Variants in LRFN2 observed in about 807,000 individuals in gnomAD.
LRFN2 encodes leucine rich repeat and fibronectin type III domain containing 2.
In LRFN2, 18 loss-of-function variants were observed where a neutral mutation model predicts 37.3. The ratio of observed to expected loss-of-function variants is 0.48; its 90% confidence interval spans 0.33 to 0.72. The LOEUF is 0.72. Among genes scored for constraint, LRFN2 ranks in the 30% least tolerant of loss-of-function variants. The probability of loss-of-function intolerance (pLI) is 0.02; values close to 1 mark genes in which losing one functional copy is unlikely to be tolerated. For missense variants in LRFN2, 1,006 were observed against 1,060.7 expected, an observed-to-expected ratio of 0.95 and a Z score of 0.72; for synonymous variants, 556 against 466.6, an observed-to-expected ratio of 1.19 and a Z score of -2.47.
chr6:40,585,528 G>A (rs1472149791), intron 1 of LRFN2, among the ~76,000 whole-genome samples: 1 of 152,146 alleles, frequency 6.6e-6, no homozygotes, highest in Non-Finnish European at 1.5e-5. Context: ...GGGCTCTGCT[G>A]TGTGTGGCTA....
At chr6:40,394,331 G>A (rs1324016587) in intron 2 of LRFN2, among the ~76,000 whole-genome samples, 1 of 152,044 alleles carries the variant, frequency 6.6e-6, no homozygotes, top group South Asian at 2.1e-4. Context: ...CAGGCCTGAA[G>A]GTACCACTGT....
chr6:40,448,617 C>A lies in LRFN2; in HGVS notation c.-18-15486G>T, dbSNP rs1201507182. Among the ~76,000 whole-genome samples the A allele has an allele frequency of 2.0e-5, 3 of 152,312 alleles. No homozygotes were observed. The East Asian group carries it at 5.8e-4, about 29-fold the overall frequency. ...TGGCTGATTATCTTAAATGAGAATT[C>A]TACACTGCCTTTACCAAAGGACCGA... On this transcript the variant is annotated intron_variant, in intron 1 of 2. Transcript: ENST00000338305.
At chr6:40,526,952 A>G (rs1217510411) in intron 1 of LRFN2, among the ~76,000 whole-genome samples, 1 of 152,156 alleles carries the variant, frequency 6.6e-6, no homozygotes, top group African/African-American at 2.4e-5. Context: ...GAACTGGGTG[A>G]CCTCAAAGGG....
chr6:40,458,167 T>C lies in LRFN2; in HGVS notation c.-18-25036A>G, dbSNP rs140765264. 4.6e-4 allele frequency among the ~76,000 whole-genome samples: 70 copies of C among 152,348 alleles called. 1 individual carries two copies. The highest frequency in any genetic ancestry group is 1.7e-3 in the East Asian group (9 of 5,190). On this transcript the variant is annotated intron_variant, in intron 1 of 2. Coordinates refer to ENST00000338305, the MANE Select transcript of LRFN2 (RefSeq NM_020737.3). ...TTCACTGAGGCTGTTTTCTTTAACA[T>C]GTGGAGAAACCCTGCCCAGCCTTCA... is the stretch of plus-strand genomic sequence containing the variant.
chr6:40,495,967 C>T (rs372941252), intron 1 of LRFN2, among the ~76,000 whole-genome samples: 3 of 152,132 alleles, frequency 2.0e-5, no homozygotes, highest in Admixed American at 2.0e-4. Context: ...CACCTTGAAC[C>T]CAAACAGAAA....
At chr6:40,446,080 A>G (rs187380209) in intron 1 of LRFN2, among the ~76,000 whole-genome samples, 58 of 152,376 alleles carry the variant, frequency 3.8e-4, no homozygotes, top group Non-Finnish European at 6.0e-4. Flanking sequence ...AATGTAAAAC[A>G]TGTTCATAGA....
At chr6:40,412,392 G>A (rs892964223) in intron 2 of LRFN2, among the ~76,000 whole-genome samples, 7 of 152,274 alleles carry the variant, frequency 4.6e-5, no homozygotes, top group South Asian at 2.1e-4. Flanking sequence ...AAAAGCAAGC[G>A]AGGTCCCACC....
intron 1 of LRFN2, among the ~76,000 whole-genome samples, chr6:40,455,342 C>T (rs961627518): frequency 2.0e-5 from 3 of 152,176 alleles, no homozygotes; most frequent in Admixed American, 6.5e-5. Flanking sequence ...GTTTGCTCCA[C>T]CTCGGTTGTC....
chr6:40,554,292 T>C (rs1227864736), intron 1 of LRFN2, among the ~76,000 whole-genome samples: 1 of 152,202 alleles, frequency 6.6e-6, no homozygotes, highest in Non-Finnish European at 1.5e-5. Flanking sequence ...GGCCTTTATA[T>C]AGTGGACTAA....
intron 2 of LRFN2, among the ~76,000 whole-genome samples, chr6:40,405,419 C>G (rs548332482): frequency 6.6e-6 from 1 of 152,308 alleles, no homozygotes; most frequent in African/African-American, 2.4e-5. Context: ...ATGGGGCGTT[C>G]ATAATCTCTG....
At chr6:40,511,995 T>C (rs961807806) in intron 1 of LRFN2, among the ~76,000 whole-genome samples, 2 of 152,186 alleles carry the variant, frequency 1.3e-5, no homozygotes, top group African/African-American at 4.8e-5. Context: ...TTTGCAAAGA[T>C]GAGCAAAGCC....
At chr6:40,567,816 G>C (rs1254547504) in intron 1 of LRFN2, among the ~76,000 whole-genome samples, 1 of 152,144 alleles carries the variant, frequency 6.6e-6, no homozygotes, top group Non-Finnish European at 1.5e-5. Context: ...ACCTGGCCTG[G>C]CTAAAGCGGA....
intron 1 of LRFN2, among the ~76,000 whole-genome samples, chr6:40,578,306 G>C (rs1767332472): frequency 6.6e-6 from 1 of 152,140 alleles, no homozygotes; most frequent in Admixed American, 6.5e-5. Flanking sequence ...TAAGGGCCAG[G>C]TGGGAAGGCC....
intron 1 of LRFN2, among the ~76,000 whole-genome samples, chr6:40,466,610 G>C (rs1300550816): frequency 6.6e-6 from 1 of 152,112 alleles, no homozygotes; most frequent in Non-Finnish European, 1.5e-5. Context: ...AGCATCCTGG[G>C]CTGGACCTAG....
intron 1 of LRFN2, among the ~76,000 whole-genome samples, chr6:40,559,979 T>G (rs574919126): frequency 6.6e-4 from 101 of 152,272 alleles, no homozygotes; most frequent in African/African-American, 2.4e-3. Context: ...TCTAACCATC[T>G]GCCCACACCT....
chr6:40,461,584 C>T, intron 1 of LRFN2, among the ~76,000 whole-genome samples: 1 of 142,062 alleles, frequency 7.0e-6, no homozygotes, highest in East Asian at 2.1e-4. Context: ...CCCCCTCCCC[C>T]CGACAAAAAA....
intron 1 of LRFN2, among the ~76,000 whole-genome samples, chr6:40,568,519 A>G (rs1463625195): frequency 1.3e-5 from 2 of 152,230 alleles, no homozygotes; most frequent in African/African-American, 4.8e-5. Context: ...CACAAGACGA[A>G]GATAAAGATC....
intron 2 of LRFN2, among the ~76,000 whole-genome samples, chr6:40,417,729 G>C (rs902925191): frequency 6.6e-6 from 1 of 152,108 alleles, no homozygotes; most frequent in African/African-American, 2.4e-5. Context: ...GATTCTGCCA[G>C]AAAAATCATG....
intron 1 of LRFN2, among the ~76,000 whole-genome samples, chr6:40,437,239 C>T (rs780109568): frequency 6.6e-6 from 1 of 152,198 alleles, no homozygotes; most frequent in African/African-American, 2.4e-5. Context: ...TCTCCACCCT[C>T]TCCCCGCCAG....
Sources: allele counts gnomAD v4.1 joint callset (sites outside exome capture counted in the v4.1 genomes callset), GRCh38; gene constraint gnomAD v4.1.1; transcripts MANE v1.5; gene names NCBI Gene and HGNC (gene_info 2026-07-23, HGNC 2026-07-21).